GRM8: variants seen among roughly 807,000 people sequenced by gnomAD.
GRM8 encodes glutamate metabotropic receptor 8.
In GRM8, 47 loss-of-function variants were observed where a neutral mutation model predicts 87.2. That is an observed-to-expected ratio of 0.54 (90% CI 0.43 to 0.69). GRM8 has a LOEUF of 0.69. GRM8 is among the 30% of genes least tolerant of loss of function. The probability of loss-of-function intolerance (pLI) is 0.00; values close to 1 mark genes in which losing one functional copy is unlikely to be tolerated. For synonymous variants in GRM8, 396 were observed against 404.5 expected (o/e 0.98, Z 0.25); for missense variants, 1,019 against 1,139.2 (o/e 0.89, Z 1.52).
intron 7 of GRM8, among the ~76,000 whole-genome samples, chr7:126,706,857 C>T (rs1810578841): frequency 6.6e-6 from 1 of 152,140 alleles, no homozygotes; most frequent in Non-Finnish European, 1.5e-5. Flanking sequence ...CCTCCTTATT[C>T]AATAGTTTTA....
chr7:127,015,044 AAGAAGAAGAAGAAGAAGAAG>A (rs1449936212), intron 3 of GRM8, among the ~76,000 whole-genome samples: 7 of 127,610 alleles, frequency 5.5e-5, no homozygotes, highest in Admixed American at 2.5e-4. Flanking sequence ...GAAGAAGAAG[AAGAAGAAGAAGAAGAAGAAG>A]AAGAAAGAAA....
intron 2 of GRM8, among the ~76,000 whole-genome samples, chr7:127,231,982 G>A (rs1797712289): frequency 6.6e-6 from 1 of 151,666 alleles, no homozygotes; most frequent in Non-Finnish European, 1.5e-5. Flanking sequence ...TGTTTCTCTG[G>A]GTCTTCCATT....
At chr7:126,825,043 C>G (rs575880509) in intron 6 of GRM8, among the ~76,000 whole-genome samples, 1 of 152,276 alleles carries the variant, frequency 6.6e-6, no homozygotes, top group East Asian at 1.9e-4. Flanking sequence ...TCAGCGTTTA[C>G]AAAGTGAGTA....
At position 126,894,722 on chromosome 7, in the gene GRM8, AG is replaced by A. The variant is rs1801381130; in HGVS notation, c.1156+7819del. ...ACCAGGAAAAATAGTAGAATGGGTC[AG>A]TGCAACTCAGCCCCACTTCGGTAAA... On this transcript the variant is annotated intron_variant, in intron 6 of 10. Transcript: ENST00000339582. Among the ~76,000 whole-genome samples, 6 of 152,064 alleles carry A rather than the reference AG, an allele frequency of 3.9e-5. 1 individual carries two copies. The highest frequency in any genetic ancestry group is 3.3e-4 in the Admixed American group (5 of 15,218).
chr7:126,853,651 CA>C (rs1183005634), intron 6 of GRM8, among the ~76,000 whole-genome samples: 1 of 151,852 alleles, frequency 6.6e-6, no homozygotes, highest in Non-Finnish European at 1.5e-5. Context: ...GTAGCTTAAG[CA>C]AAAAAGGGAC....
intron 7 of GRM8, among the ~76,000 whole-genome samples, chr7:126,646,087 C>T (rs1394701706): frequency 6.6e-6 from 1 of 152,166 alleles, no homozygotes; most frequent in Non-Finnish European, 1.5e-5. Flanking sequence ...CCTCCACATG[C>T]CCAGGGGCCT....
rs987718326 is a variant in GRM8 at position 126,477,362 on chromosome 7, G to A, written c.2431-30990C>T. On this transcript the variant is annotated intron_variant, in intron 9 of 10. Coordinates refer to ENST00000339582, the MANE Select transcript of GRM8 (RefSeq NM_000845.3). ...TGTATACTAAAAATTTGTTAAGAGA[G>A]TAGATCTTAAGTGTTCTCACCTGAC... Among the ~76,000 whole-genome samples the A allele has an allele frequency of 2.0e-5, 3 of 151,928 alleles. No homozygotes were observed. In the South Asian group the frequency reaches 6.2e-4, roughly 31 times the overall value.
intron 7 of GRM8, among the ~76,000 whole-genome samples, chr7:126,692,385 G>A (rs1344393872): frequency 6.6e-6 from 1 of 152,218 alleles, no homozygotes; most frequent in Non-Finnish European, 1.5e-5. Context: ...AAATGCCTGA[G>A]GTTGAGTCCC....
chr7:126,480,258 G>A (rs1376097421), intron 9 of GRM8, among the ~76,000 whole-genome samples: 3 of 152,012 alleles, frequency 2.0e-5, no homozygotes, highest in East Asian at 1.9e-4. Flanking sequence ...GGGGGCGCAC[G>A]CCTGTAGTCC....
At chr7:127,169,822 C>A (rs1487923410) in intron 2 of GRM8, among the ~76,000 whole-genome samples, 1 of 152,162 alleles carries the variant, frequency 6.6e-6, no homozygotes, top group Non-Finnish European at 1.5e-5. Flanking sequence ...AACAGAACAT[C>A]TGTTTACAGC....
chr7:126,767,360 C>G (rs1156985664), intron 7 of GRM8, among the ~76,000 whole-genome samples: 1 of 152,062 alleles, frequency 6.6e-6, no homozygotes, highest in Non-Finnish European at 1.5e-5. Context: ...AAATGCAAAA[C>G]AGCCAGAGAA....
intron 2 of GRM8, among the ~76,000 whole-genome samples, chr7:127,127,842 C>G (rs1827456168): frequency 6.6e-6 from 1 of 152,050 alleles, no homozygotes; most frequent in Non-Finnish European, 1.5e-5. Context: ...CACCCCAGCA[C>G]ACACCCTTCA....
chr7:126,888,713 T>C (rs1034167440), intron 6 of GRM8, among the ~76,000 whole-genome samples: 1 of 152,114 alleles, frequency 6.6e-6, no homozygotes, highest in Non-Finnish European at 1.5e-5. Context: ...GTCTATTTTC[T>C]TTCTGAAAGA....
intron 7 of GRM8, among the ~76,000 whole-genome samples, chr7:126,702,659 A>C (rs1021104645): frequency 3.3e-4 from 50 of 152,158 alleles, no homozygotes; most frequent in African/African-American, 1.2e-3. Context: ...CAGTTGGGAC[A>C]GCAGTCTTCT....
At chr7:126,663,531 T>C (rs1183331183) in intron 7 of GRM8, among the ~76,000 whole-genome samples, 1 of 152,042 alleles carries the variant, frequency 6.6e-6, no homozygotes, top group Non-Finnish European at 1.5e-5. Context: ...AACAGAACTT[T>C]TTAAAACCAC....
intron 6 of GRM8, among the ~76,000 whole-genome samples, chr7:126,873,418 G>A (rs867858559): frequency 3.3e-5 from 5 of 152,106 alleles, no homozygotes; most frequent in Middle Eastern, 3.4e-3. Flanking sequence ...TTTGGCCTAC[G>A]TGTTCCATAT....
At chr7:126,628,365 C>T (rs997128209) in intron 7 of GRM8, among the ~76,000 whole-genome samples, 12 of 152,080 alleles carry the variant, frequency 7.9e-5, no homozygotes, top group African/African-American at 2.9e-4. Flanking sequence ...TTTCCTATTG[C>T]CTGCAAATGT....
At chr7:126,960,627 G>A (rs1809216232) in intron 3 of GRM8, among the ~76,000 whole-genome samples, 1 of 152,158 alleles carries the variant, frequency 6.6e-6, no homozygotes, top group Admixed American at 6.5e-5. Flanking sequence ...TAATTTTGTA[G>A]CCTTAGACTA....
intron 3 of GRM8, among the ~76,000 whole-genome samples, chr7:127,052,384 T>C (rs1819580163): frequency 6.6e-6 from 1 of 152,230 alleles, no homozygotes; most frequent in African/African-American, 2.4e-5. Flanking sequence ...TCCAGCTGTC[T>C]ACCTTAATAG....
Sources: gnomAD v4.1 joint callset for allele counts (sites outside exome capture counted in the v4.1 genomes callset) on GRCh38, gnomAD v4.1.1 for gene constraint, MANE v1.5 for transcripts, NCBI Gene and HGNC (gene_info 2026-07-23, HGNC 2026-07-21) for gene names.